Variants in TNFAIP8 observed in about 807,000 individuals in gnomAD.
TNFAIP8 encodes the protein tumor necrosis factor alpha-induced protein 8.
A neutral mutation model predicts 13.3 loss-of-function variants in TNFAIP8; 7 were observed. The observed-to-expected ratio is 0.52, with a 90% CI of 0.30 to 0.99. The LOEUF (loss-of-function observed/expected upper bound fraction) is 0.99. TNFAIP8 is among the 50% of genes least tolerant of loss of function. The pLI, the probability that TNFAIP8 is intolerant of heterozygous loss-of-function variation, is 0.07. For missense variants in TNFAIP8, 258 were observed against 236.9 expected (o/e 1.09, Z -0.58); for synonymous variants, 94 against 87.6 (o/e 1.07, Z -0.41).
chr5:119,309,768 T>C (rs1749675320), intron 1 of TNFAIP8, among the ~76,000 whole-genome samples: 1 of 152,022 alleles, frequency 6.6e-6, no homozygotes. Flanking sequence ...TGCTAGGGAG[T>C]CTGTGGGCCT....
intron 1 of TNFAIP8, among the ~76,000 whole-genome samples, chr5:119,298,725 C>T (rs1581582654): frequency 6.6e-6 from 1 of 152,086 alleles, no homozygotes; most frequent in Non-Finnish European, 1.5e-5. Flanking sequence ...TCCATTCTCC[C>T]CGTCACTTTC....
At chr5:119,286,749 G>T (rs572485756) in intron 1 of TNFAIP8, among the ~76,000 whole-genome samples, 1 of 152,262 alleles carries the variant, frequency 6.6e-6, no homozygotes, top group African/African-American at 2.4e-5. Context: ...CAGTCACAGT[G>T]TTAGTGCGGG....
rs552995373 is a variant in TNFAIP8 at position 119,293,683 on chromosome 5, A to C, written c.1+24776A>C. ...CATTTAATTGTACACTTACAATGATAAATTATATCTCAATAAGGCTATGGG... is the reference window on the plus strand; with the variant it reads ...CATTTAATTGTACACTTACAATGATCAATTATATCTCAATAAGGCTATGGG... On this transcript the variant is annotated intron_variant, in intron 1 of 1. Coordinates refer to the TNFAIP8 transcript ENST00000274456. Among the ~76,000 whole-genome samples, 6 of 152,340 alleles carry C rather than the reference A, an allele frequency of 3.9e-5. No individual in the cohort carries two copies. The South Asian group carries it at 1.2e-3, about 32-fold the overall frequency.
intron 1 of TNFAIP8, among the ~76,000 whole-genome samples, chr5:119,269,275 G>T (rs1233312775): frequency 6.6e-6 from 1 of 152,080 alleles, no homozygotes; most frequent in Non-Finnish European, 1.5e-5. Flanking sequence ...TCCTGTAACC[G>T]CACATACTGG....
intron 1 of TNFAIP8, among the ~76,000 whole-genome samples, chr5:119,322,073 G>GCT (rs541218036): frequency 2.0e-5 from 3 of 151,914 alleles, no homozygotes; most frequent in Non-Finnish European, 4.4e-5. Context: ...TTGTTCCTTG[G>GCT]CTCTCTCTCT....
intron 1 of TNFAIP8, among the ~76,000 whole-genome samples, chr5:119,270,493 C>T (rs1748259819): frequency 6.6e-6 from 1 of 152,184 alleles, no homozygotes; most frequent in African/African-American, 2.4e-5. Flanking sequence ...AACTCCTGGG[C>T]TCAAGTGATC....
chr5:119,334,848 G>A (rs1750500887), intron 1 of TNFAIP8, among the ~76,000 whole-genome samples: 1 of 152,032 alleles, frequency 6.6e-6, no homozygotes, highest in Non-Finnish European at 1.5e-5. Context: ...GCTTTGCTTG[G>A]GAGGATTTTG....
intron 1 of TNFAIP8, among the ~76,000 whole-genome samples, chr5:119,286,556 A>C (rs2150807855): frequency 6.6e-6 from 1 of 151,264 alleles, no homozygotes; most frequent in South Asian, 2.1e-4. Flanking sequence ...CGGGAGGCAG[A>C]GCTTGCAGAG....
At chr5:119,388,226 C>T (rs988208867) in intron 1 of TNFAIP8, among the ~76,000 whole-genome samples, 2 of 152,176 alleles carry the variant, frequency 1.3e-5, no homozygotes, top group African/African-American at 2.4e-5. Context: ...TTTAAAAGAA[C>T]TGGTTGATGA....
intron 1 of TNFAIP8, among the ~76,000 whole-genome samples, chr5:119,359,145 C>G (rs984553794): frequency 2.0e-5 from 3 of 152,150 alleles, no homozygotes; most frequent in African/African-American, 7.2e-5. Flanking sequence ...CAGAATGCCC[C>G]GCCTTCCACC....
Position 119,324,815 on chromosome 5 carries a change from G to A in TNFAIP8, c.1+55908G>A, listed in dbSNP as rs143457504. ...ATCATCATTCCAGGCGCTTTTCTGT[G>A]TGCTTATAGTTTTCTCTTTAAAAAT... is the stretch of plus-strand genomic sequence containing the variant. On this transcript the variant is annotated intron_variant, in intron 1 of 1. Transcript: ENST00000274456. Among the ~76,000 whole-genome samples the A allele has an allele frequency of 1.1e-4, 16 of 151,866 alleles. No homozygotes were observed. In the East Asian group the frequency reaches 2.9e-3, roughly 27 times the overall value.
At chr5:119,389,229 G>C (rs906042055) in intron 1 of TNFAIP8, among the ~76,000 whole-genome samples, 1 of 152,184 alleles carries the variant, frequency 6.6e-6, no homozygotes, top group Admixed American at 6.5e-5. Context: ...GGAGGCAGGA[G>C]AGAATCAAAG....
upstream of TNFAIP8, chr5:119,355,811 A>G (rs1171001370): frequency 1.5e-6 from 1 of 686,094 alleles, no homozygotes; most frequent in East Asian, 1.0e-4. Flanking sequence ...GGGCCGAGCC[A>G]GCCCCGCCAG....
chr5:119,298,590 GTTGCTC>G (rs1749256157), intron 1 of TNFAIP8, among the ~76,000 whole-genome samples: 1 of 151,376 alleles, frequency 6.6e-6, no homozygotes, highest in South Asian at 2.1e-4. Context: ...GTGTCTTGGA[GTTGCTC>G]TTCTCGAGGA....
intron 1 of TNFAIP8, among the ~76,000 whole-genome samples, chr5:119,392,045 G>T (rs1212530209): frequency 1.3e-5 from 2 of 152,128 alleles, no homozygotes. Context: ...TCATGAAAAG[G>T]TTATTTCCCC....
At chr5:119,287,956 C>T (rs1748855267) in intron 1 of TNFAIP8, among the ~76,000 whole-genome samples, 1 of 152,162 alleles carries the variant, frequency 6.6e-6, no homozygotes, top group African/African-American at 2.4e-5. Context: ...TAGACAGTCA[C>T]CACCTTGTAC....
At chr5:119,367,527 T>G (rs1260431706) in intron 1 of TNFAIP8, among the ~76,000 whole-genome samples, 3 of 152,220 alleles carry the variant, frequency 2.0e-5, no homozygotes, top group Admixed American at 6.5e-5. Context: ...TCTATCCCTA[T>G]CTTGTGAACT....
chr5:119,375,773 G>A (rs2112825239), intron 1 of TNFAIP8, among the ~76,000 whole-genome samples: 1 of 152,198 alleles, frequency 6.6e-6, no homozygotes, highest in Middle Eastern at 3.4e-3. Context: ...GAGGCAAAAT[G>A]TTCAATTTAG....
At chr5:119,279,274 G>T (rs547640340) in intron 1 of TNFAIP8, among the ~76,000 whole-genome samples, 45 of 152,290 alleles carry the variant, frequency 3.0e-4, no homozygotes, top group African/African-American at 1.0e-3. Context: ...GTGCTACAGG[G>T]TGTTACTCTT....
Sources: allele counts gnomAD v4.1 joint callset (sites outside exome capture counted in the v4.1 genomes callset), GRCh38; gene constraint gnomAD v4.1.1; transcripts MANE v1.5; gene names NCBI Gene and HGNC (gene_info 2026-07-23, HGNC 2026-07-21).